The following CHRNA2 variants were observed in gnomAD, a reference collection of about 807,000 sequenced individuals.
CHRNA2 encodes the protein cholinergic receptor nicotinic alpha 2 subunit.
A neutral mutation model predicts 45.5 loss-of-function variants in CHRNA2; 40 were observed. The ratio of observed to expected loss-of-function variants is 0.88; its 90% confidence interval spans 0.68 to 1.15. CHRNA2 has a LOEUF of 1.15. CHRNA2 is among the 50% of genes most tolerant of loss of function. The pLI, the probability that CHRNA2 is intolerant of heterozygous loss-of-function variation, is 0.00. For synonymous variants in CHRNA2, 301 were observed against 296.7 expected (o/e 1.01, Z -0.15); for missense variants, 655 against 701.7 (o/e 0.93, Z 0.75).
intron 1 of CHRNA2, among the ~76,000 whole-genome samples, chr8:27,476,995 T>TAA (rs61306318): frequency 3.0e-4 from 36 of 120,942 alleles, no homozygotes; most frequent in African/African-American, 6.7e-4. Context: ...TTCATGTAAG[T>TAA]AAAAAAAAAA....
In CHRNA2 at chr8:27,471,213, G is replaced by A. The variant is rs947838271; in HGVS notation, c.-136-19C>T. The A allele has an allele frequency of 1.0e-5, 7 of 685,516 alleles. No individual in the cohort carries two copies. In the African/African-American group the frequency reaches 1.1e-4, roughly 11 times the overall value. The allele number at this position is 685,516 out of a possible 1,614,324, so 42.5% of individuals were successfully genotyped here. A position where few individuals can be genotyped will look rare whatever the true frequency, so the allele number is the denominator to read the frequency against. ...ACCGAACCTGAGCAAGCCCAAGAAA[G>A]GGCTCTTAGGGTCATGCATCCTTGA... On this transcript the variant is annotated intron_variant, in intron 1 of 6. Coordinates refer to ENST00000407991, the MANE Select transcript of CHRNA2 (RefSeq NM_000742.4).
At chr8:27,470,856 T>C (rs946311542) in intron 2 of CHRNA2, 130 bp downstream of exon 2, 8 of 902,976 alleles carry the variant, frequency 8.9e-6, no homozygotes, top group Non-Finnish European at 1.1e-5. Context: ...AACAGCCACC[T>C]GGCTGATGGC....
intron 1 of CHRNA2, among the ~76,000 whole-genome samples, chr8:27,473,038 T>A (rs760404365): frequency 6.6e-6 from 1 of 152,132 alleles, no homozygotes; most frequent in Non-Finnish European, 1.5e-5. Context: ...AGCAGTATTT[T>A]AAAATATTAT....
At chr8:27,462,217 CG>C (rs1812515530) in intron 6 of CHRNA2, among the ~76,000 whole-genome samples, 1 of 152,198 alleles carries the variant, frequency 6.6e-6, no homozygotes, top group Admixed American at 6.5e-5. Context: ...GGGGGTGGGG[CG>C]GGGGCTTTGT....
chr8:27,473,754 G>A (rs1812973975), intron 1 of CHRNA2, among the ~76,000 whole-genome samples: 1 of 152,104 alleles, frequency 6.6e-6, no homozygotes, highest in Non-Finnish European at 1.5e-5. Flanking sequence ...GAGAGAATCA[G>A]AATTATTATT....
Position 27,461,675 on chromosome 8 carries a change from C to G in CHRNA2, c.1544G>C (p.Gly515Ala), listed in dbSNP as rs1563315936. The G allele has an allele frequency of 2.5e-6, 4 of 1,614,186 alleles. No homozygotes were observed. The highest frequency in any genetic ancestry group is 3.4e-6 in the Non-Finnish European group (4 of 1,180,026). Residue 515 changes from glycine (G) to alanine (A), a missense_variant, in exon 7 of 7, where the codon GGG (glycine) becomes GCG (alanine). Physicochemically the swap from Gly to Ala is moderately conservative, Grantham distance 60. This residue lies in a region of CHRNA2 where 295 missense variants were observed against 280.4 expected (regional missense o/e 1.05). Transcript: ENST00000407991. ...CGGAGGCAGAAAGAGGCCGATGGTC[C>G]CCAGGAAGCAGACGATGATAAACAG... ...LWLFIIVCFL[G>A]TIGLFLPPFL...
At chr8:27,467,718 A>G (rs549041398) in intron 4 of CHRNA2, among the ~76,000 whole-genome samples, 60 of 152,288 alleles carry the variant, frequency 3.9e-4, no homozygotes, top group African/African-American at 1.4e-3. Context: ...ATCTAGGAAA[A>G]GCCTCCACGG....
intron 2 of CHRNA2, among the ~76,000 whole-genome samples, chr8:27,470,280 T>A (rs1227164809): frequency 6.6e-6 from 1 of 151,204 alleles, no homozygotes; most frequent in Non-Finnish European, 1.5e-5. Flanking sequence ...TATGGAGGAG[T>A]GCCAGGTGGA....
chr8:27,469,374 C>G lies in CHRNA2; in HGVS notation c.300G>C (p.Glu100Asp), dbSNP rs1442867424. The change falls in exon 4 of 7, where the codon GAG becomes GAC. Residue 100 changes from glutamate to aspartate, a missense_variant. Glu to Asp is a conservative substitution (Grantham distance 45). Coordinates refer to ENST00000407991, the MANE Select transcript of CHRNA2 (RefSeq NM_000742.4). ...CGTTGGTGGTCATCATTTGGTTCTT[C>G]TCATCCTGGCCCAGAGAGAGACAGA... The part of the protein sequence containing the change: ...LSIAQLIDVD[E>D]KNQMMTTNVW... 2 of 1,556,710 alleles carry G rather than the reference C, an allele frequency of 1.3e-6. No individual in the cohort carries two copies. The highest frequency in any genetic ancestry group is 8.7e-7 in the Non-Finnish European group (1 of 1,149,428).
At chr8:27,469,695 C>G in intron 3 of CHRNA2, 66 bp downstream of exon 3, 1 of 1,581,768 alleles carries the variant, frequency 6.3e-7, no homozygotes, top group South Asian at 1.1e-5. Context: ...GAGGAAGGAG[C>G]AGGGGGAAAG....
chr8:27,475,002 C>G (rs1813018362), intron 1 of CHRNA2, among the ~76,000 whole-genome samples: 1 of 152,244 alleles, frequency 6.6e-6, no homozygotes, highest in Non-Finnish European at 1.5e-5. Flanking sequence ...CTTTTAATCT[C>G]TTTTCTGCAT....
chr8:27,467,762 G>A (rs1021588146), intron 4 of CHRNA2, among the ~76,000 whole-genome samples: 15 of 152,210 alleles, frequency 9.9e-5, no homozygotes, highest in African/African-American at 3.6e-4. Flanking sequence ...GCAGGTGAAA[G>A]TATCTCCCCA....
In CHRNA2 at chr8:27,469,803, C is replaced by T. The variant is rs1368312761; in HGVS notation, c.252G>A (p.Val84=). Residue 84 remains valine (V), a synonymous_variant, in exon 3 of 7, where the codon GTG becomes GTA. Transcript: ENST00000407991. ...CGATGGACAGTCCAAAGCGCACAAT[C>T]ACCACGTCTGAAGTGTTGGGCACCG... is the stretch of plus-strand genomic sequence containing the variant. ...ARPVPNTSDV[V]IVRFGLSIAQ... is the part of the protein sequence containing the mutation. 1.9e-6 allele frequency: 3 copies of T among 1,614,234 alleles called. No individual in the cohort carries two copies. Among genetic ancestry groups the T allele is most frequent in the Non-Finnish European group, 1.7e-6 (2 of 1,180,050 alleles).
chr8:27,464,623 AT>A (rs1812641097), intron 5 of CHRNA2, among the ~76,000 whole-genome samples: 1 of 152,102 alleles, frequency 6.6e-6, no homozygotes, highest in African/African-American at 2.4e-5. Context: ...CGAGCTGATC[AT>A]TTAATATATT....
At chr8:27,473,471 G>T (rs1812954824) in intron 1 of CHRNA2, among the ~76,000 whole-genome samples, 3 of 151,786 alleles carry the variant, frequency 2.0e-5, no homozygotes, top group Admixed American at 2.0e-4. Flanking sequence ...AGGCCAAGAT[G>T]GAAGGAGTGT....
chr8:27,474,194 T>C (rs1812991962), intron 1 of CHRNA2, among the ~76,000 whole-genome samples: 1 of 152,004 alleles, frequency 6.6e-6, no homozygotes, highest in African/African-American at 2.4e-5. Flanking sequence ...TTGGGTCAAG[T>C]AGGAGAAGAG....
intron 1 of CHRNA2, chr8:27,475,576 T>G (rs996602856): frequency 6.6e-6 from 1 of 152,208 alleles, no homozygotes; most frequent in African/African-American, 2.4e-5. Flanking sequence ...GTTCAATGGG[T>G]ACGGAGTTTC....
At chr8:27,467,580 C>T (rs1812739539) in intron 4 of CHRNA2, 2 of 508,302 alleles carry the variant, frequency 3.9e-6, no homozygotes, top group East Asian at 3.6e-5. Flanking sequence ...GAAGTTCACC[C>T]TTGTCCTGCC....
intron 1 of CHRNA2, among the ~76,000 whole-genome samples, chr8:27,473,613 G>A (rs377161867): frequency 6.6e-6 from 1 of 150,544 alleles, no homozygotes; most frequent in Admixed American, 6.6e-5. Context: ...AGGCCAAGAA[G>A]GGAGGGTCGT....
Sources: gnomAD v4.1 joint callset for allele counts (sites outside exome capture counted in the v4.1 genomes callset) on GRCh38, gnomAD v4.1.1 for gene constraint, gnomAD v4.1.1 regional missense constraint, MANE v1.5 for transcripts, NCBI Gene and HGNC (gene_info 2026-07-23, HGNC 2026-07-21) for gene names.